The following UTRN variants were observed in gnomAD, a reference collection of about 807,000 sequenced individuals.
The protein encoded by UTRN is utrophin.
A neutral mutation model predicts 463.9 loss-of-function variants in UTRN; 283 were observed. The ratio of observed to expected loss-of-function variants is 0.61; its 90% CI spans 0.55 to 0.67. UTRN has a LOEUF of 0.67. UTRN is among the 30% of genes least tolerant of loss of function. The pLI is 0.00. For missense variants in UTRN, 3,922 were observed against 4,084.3 expected (o/e 0.96, Z 1.08); for synonymous variants, 1,442 against 1,431.5 (o/e 1.01, Z -0.17).
At chr6:144,461,066 C>T (rs545918198) in intron 21 of UTRN, 131 bp from the exon 22 acceptor site, 1 of 654,326 alleles carries the variant, frequency 1.5e-6, no homozygotes, top group Non-Finnish European at 2.3e-6. Context: ...TGTTAATTAA[C>T]AGAGACCCTT....
intron 1 of UTRN, among the ~76,000 whole-genome samples, chr6:144,291,072 C>A (rs935452791): frequency 2.6e-5 from 4 of 152,124 alleles, no homozygotes; most frequent in Non-Finnish European, 5.9e-5. Context: ...CCGTGCCCGT[C>A]CCTTGACGAT....
intron 2 of UTRN, among the ~76,000 whole-genome samples, chr6:144,292,535 A>T (rs1804335175): frequency 6.6e-6 from 1 of 152,190 alleles, no homozygotes; most frequent in Admixed American, 6.5e-5. Context: ...TGTACAGATG[A>T]ATCAACTGGG....
intron 2 of UTRN, among the ~76,000 whole-genome samples, chr6:144,336,428 T>C (rs1303512333): frequency 6.6e-6 from 1 of 152,160 alleles, no homozygotes; most frequent in African/African-American, 2.4e-5. Flanking sequence ...GAACAAAATA[T>C]TATGAAGACC....
chr6:144,847,988 T>C (rs1782164376), intron 74 of UTRN, among the ~76,000 whole-genome samples: 1 of 152,184 alleles, frequency 6.6e-6, no homozygotes, highest in African/African-American at 2.4e-5. Flanking sequence ...CAATGAGCCT[T>C]CTGAATGATT....
chr6:144,461,332 A>C lies in UTRN; in HGVS notation c.2843A>C (p.Gln948Pro). Residue 948 changes from glutamine to proline, a missense_variant, in exon 22 of 75, where the codon CAA becomes CCA. By Grantham distance (76) the Gln-to-Pro change is moderately conservative. Coordinates refer to ENST00000367545, the MANE Select transcript of UTRN (RefSeq NM_007124.3). ...NDLAKVEKAL[Q>P]EKKTLDEILE... ...CTTGCCAAGGTGGAGAAGGCCCTGC[A>C]AGAAAAAAAGGTAACATATATCTTC... The C allele has an allele frequency of 6.4e-7, 1 of 1,568,036 alleles. No individual in the cohort carries two copies. The highest frequency in any genetic ancestry group is 1.4e-5 in the African/African-American group (1 of 73,392).
intron 49 of UTRN, 143 bp downstream of exon 49, chr6:144,555,036 T>A: frequency 9.3e-7 from 1 of 1,080,522 alleles, no homozygotes; most frequent in Non-Finnish European, 1.3e-6. Context: ...ATATGAAGAA[T>A]TTGATCTGGA....
chr6:144,438,374 C>T (rs566256843), intron 11 of UTRN, among the ~76,000 whole-genome samples: 16 of 152,274 alleles, frequency 1.1e-4, no homozygotes, highest in African/African-American at 3.8e-4. Flanking sequence ...ATCTACTTTT[C>T]CATTTTGTGA....
Position 144,493,472 on chromosome 6 carries a change from C to T in UTRN, c.4593+16C>T. On this transcript the variant is annotated intron_variant, in intron 33 of 74. Coordinates refer to ENST00000367545, the MANE Select transcript of UTRN (RefSeq NM_007124.3). ...GGGCGCACAGGTGAGGAGAGCAGCCCCACAGCTCATCTCTCTGTCTCTCTC... is the reference window on the plus strand; with the variant it reads ...GGGCGCACAGGTGAGGAGAGCAGCCTCACAGCTCATCTCTCTGTCTCTCTC... 1 of 1,608,342 alleles carries T rather than the reference C, an allele frequency of 6.2e-7. No individual in the cohort carries two copies. Among genetic ancestry groups the T allele is most frequent in the South Asian group, 1.1e-5 (1 of 90,584 alleles).
In UTRN at chr6:144,403,280, CA is replaced by C. The variant is rs1783087869; in HGVS notation, c.141+97del. The C allele has an allele frequency of 3.8e-6, 4 of 1,065,592 alleles. No homozygotes were observed. The Admixed American group carries it at 7.8e-5, about 21-fold the overall frequency. 66.0% of individuals were successfully genotyped at this position (1,065,592 alleles called of 1,614,324 possible). ...GCAGTGAATTTTCCCCAGGAAATGT[CA>C]CCTAGCCGAAGTCTTCTGAGTATGC... On this transcript the variant is annotated intron_variant, in intron 3 of 74. Coordinates refer to ENST00000367545, the MANE Select transcript of UTRN (RefSeq NM_007124.3).
chr6:144,636,084 G>A (rs923317834), intron 51 of UTRN, among the ~76,000 whole-genome samples: 10 of 152,094 alleles, frequency 6.6e-5, no homozygotes, highest in African/African-American at 1.2e-4. Context: ...TTAAGGTATA[G>A]TATGTTGCAA....
At chr6:144,321,878 C>T (rs1315013451) in intron 2 of UTRN, among the ~76,000 whole-genome samples, 1 of 152,036 alleles carries the variant, frequency 6.6e-6, no homozygotes, top group Non-Finnish European at 1.5e-5. Context: ...AGTCTCCTGC[C>T]TCGGCCTCCC....
intron 41 of UTRN, among the ~76,000 whole-genome samples, chr6:144,525,202 G>T (rs901720993): frequency 1.3e-5 from 2 of 152,050 alleles, no homozygotes; most frequent in Non-Finnish European, 2.9e-5. Context: ...TGGCTTCATG[G>T]AATGATTTAG....
At chr6:144,388,946 A>G (rs898372018) in intron 2 of UTRN, among the ~76,000 whole-genome samples, 11 of 152,332 alleles carry the variant, frequency 7.2e-5, no homozygotes, top group African/African-American at 2.4e-4. Context: ...TTTTCCTGGT[A>G]TGAACCCTGA....
chr6:144,343,363 AACACAC>A (rs3061626), intron 2 of UTRN, among the ~76,000 whole-genome samples: 13,630 of 135,278 alleles, frequency 0.1, 768 homozygotes, highest in South Asian at 0.17. Flanking sequence ...GTCTCTACTA[AACACAC>A]ACACACACAC....
At chr6:144,704,439 C>G (rs9376843) in intron 53 of UTRN, among the ~76,000 whole-genome samples, 79,572 of 152,026 alleles carry the variant, frequency 0.52, 25,066 homozygotes, top group East Asian at 0.88. Context: ...AGAATTTATA[C>G]AAAAAACCCT....
At chr6:144,309,510 T>C (rs1192084208) in intron 2 of UTRN, among the ~76,000 whole-genome samples, 19 of 152,262 alleles carry the variant, frequency 1.2e-4, no homozygotes, top group Non-Finnish European at 2.8e-4. Context: ...TAGTCCTTTC[T>C]TTCTCGTATA....
intron 3 of UTRN, among the ~76,000 whole-genome samples, chr6:144,411,937 G>A (rs1315354411): frequency 1.3e-5 from 2 of 152,108 alleles, no homozygotes; most frequent in African/African-American, 4.8e-5. Context: ...AGTGACTGGA[G>A]CACATTTTGC....
chr6:144,764,286 A>G (rs1793028352), intron 58 of UTRN, among the ~76,000 whole-genome samples: 1 of 152,200 alleles, frequency 6.6e-6, no homozygotes, highest in Non-Finnish European at 1.5e-5. Flanking sequence ...AGCAGCCAGC[A>G]AACCGTCACT....
chr6:144,524,963 GT>G (rs1796438056), intron 41 of UTRN, among the ~76,000 whole-genome samples: 1 of 152,020 alleles, frequency 6.6e-6, no homozygotes, highest in African/African-American at 2.4e-5. Flanking sequence ...TGTGATTTTT[GT>G]TTTAATTCTG....
Sources: gnomAD v4.1 joint callset for allele counts (sites outside exome capture counted in the v4.1 genomes callset) on GRCh38, gnomAD v4.1.1 for gene constraint, MANE v1.5 for transcripts, NCBI Gene and HGNC (gene_info 2026-07-23, HGNC 2026-07-21) for gene names.